The following AUTS2 variants were observed in gnomAD, a reference collection of about 807,000 sequenced individuals.
The protein encoded by AUTS2 is activator of transcription and developmental regulator AUTS2, also known as autism susceptibility gene 2 protein.
A neutral mutation model predicts 112.4 loss-of-function variants in AUTS2; 17 were observed. That is an observed-to-expected ratio of 0.15 (90% confidence interval 0.10 to 0.23). The LOEUF (loss-of-function observed/expected upper bound fraction) is 0.23. Among genes scored for constraint, AUTS2 ranks in the 10% least tolerant of loss-of-function variants. The probability of loss-of-function intolerance (pLI) is 1.00; values close to 1 mark genes in which losing one functional copy is unlikely to be tolerated. For missense variants in AUTS2, 1,510 were observed against 1,701.6 expected (o/e 0.89, Z 1.98); for synonymous variants, 751 against 702.7 (o/e 1.07, Z -1.09).
chr7:70,753,944 C>T (rs1424095901), intron 6 of AUTS2, among the ~76,000 whole-genome samples: 1 of 151,726 alleles, frequency 6.6e-6, no homozygotes, highest in Non-Finnish European at 1.5e-5. Flanking sequence ...ATCACGAGGT[C>T]AGGAGATCGA....
intron 4 of AUTS2, among the ~76,000 whole-genome samples, chr7:70,221,970 C>G (rs1203446126): frequency 6.6e-6 from 1 of 152,096 alleles, no homozygotes; most frequent in Non-Finnish European, 1.5e-5. Flanking sequence ...TGCTTAGTAT[C>G]TAGCAAGAAT....
chr7:70,626,358 T>TAAAA (rs10572995), intron 5 of AUTS2, among the ~76,000 whole-genome samples: 2 of 113,364 alleles, frequency 1.8e-5, no homozygotes, highest in East Asian at 2.9e-4. Flanking sequence ...ACCTTGTTTC[T>TAAAA]AAAAAAAAAA....
At chr7:70,724,740 C>T (rs1020803825) in intron 6 of AUTS2, among the ~76,000 whole-genome samples, 5 of 152,154 alleles carry the variant, frequency 3.3e-5, no homozygotes, top group South Asian at 2.1e-4. Context: ...CCACCGCGCC[C>T]GGCCTCATCC....
At chr7:70,345,597 C>G (rs1020065622) in intron 4 of AUTS2, among the ~76,000 whole-genome samples, 2 of 152,152 alleles carry the variant, frequency 1.3e-5, no homozygotes, top group Admixed American at 1.3e-4. Flanking sequence ...CTTTCCAAAA[C>G]TTGTCACTAT....
At position 70,790,564 on chromosome 7, in the gene AUTS2, C is replaced by G; in HGVS notation, c.3348C>G (p.Phe1116Leu). The change falls in exon 19 of 19, where the codon TTC becomes TTG. Residue 1116 changes from phenylalanine to leucine, a missense_variant. Physicochemically the swap from Phe to Leu is conservative, Grantham distance 22. Transcript: ENST00000342771. This position sits in a 1 kb window ranked among gnomAD's most constrained non-coding sequence, Gnocchi z 7.6. The part of the protein sequence containing the change: ...TPRLYEADRS[F>L]RDREPHDYSH... ...GGCTGTACGAAGCCGACCGCTCCTT[C>G]AGGGACCGGGAGCCTCACGACTACA... is the stretch of plus-strand genomic sequence containing the variant. The G allele has an allele frequency of 6.2e-7, 1 of 1,603,690 alleles. No individual in the cohort carries two copies. The highest frequency in any genetic ancestry group is 8.5e-7 in the Non-Finnish European group (1 of 1,175,792).
rs370074386 is a variant in AUTS2 at position 70,631,593 on chromosome 7, CA to C, written c.691-66975del. ...CAGGTTCTGTCCCAGATGTTCTCAGCACCATTTTAGCGACAAGGGCAGCTAT... is the reference window on the plus strand; with the variant it reads ...CAGGTTCTGTCCCAGATGTTCTCAGCCCATTTTAGCGACAAGGGCAGCTAT... On this transcript the variant is annotated intron_variant, in intron 5 of 18. Transcript: ENST00000342771. This position sits in a 1 kb window ranked among gnomAD's most constrained non-coding sequence, Gnocchi z 4.5. Among the ~76,000 whole-genome samples the C allele has an allele frequency of 4.6e-5, 7 of 152,262 alleles. No individual in the cohort carries two copies. Among genetic ancestry groups the C allele is most frequent in the African/African-American group, 1.7e-4 (7 of 41,554 alleles).
chr7:70,141,267 G>A (rs1052692408), intron 4 of AUTS2, among the ~76,000 whole-genome samples: 21 of 152,176 alleles, frequency 1.4e-4, no homozygotes, highest in African/African-American at 5.1e-4. Flanking sequence ...GGGAATGTGG[G>A]ATAAAGCCAG....
intron 5 of AUTS2, among the ~76,000 whole-genome samples, chr7:70,472,283 A>G (rs1797415929): frequency 6.6e-6 from 1 of 152,074 alleles, no homozygotes; most frequent in Non-Finnish European, 1.5e-5. Flanking sequence ...CCCAAATCAG[A>G]ATTCCTAGCC....
intron 2 of AUTS2, among the ~76,000 whole-genome samples, chr7:70,018,204 G>A (rs1800116398): frequency 6.6e-6 from 1 of 151,704 alleles, no homozygotes; most frequent in Non-Finnish European, 1.5e-5. Flanking sequence ...TATACATGTA[G>A]GACTCTTTTT....
At position 70,356,700 on chromosome 7, in the gene AUTS2, T is replaced by TC. The variant is rs759044049; in HGVS notation, c.661-79046dup. Among the ~76,000 whole-genome samples, 99 of 151,716 alleles carry TC rather than the reference T, an allele frequency of 6.5e-4. 1 individual carries two copies. In the Middle Eastern group the frequency reaches 0.01, roughly 16 times the overall value. ...TGTGTAGGTACTTTTTTTCTTCTCCTCCCCCCACCTCCCCACCCCTGGTTT... is the reference window on the plus strand; with the variant it reads ...TGTGTAGGTACTTTTTTTCTTCTCCTCCCCCCCACCTCCCCACCCCTGGTTT... On this transcript the variant is annotated intron_variant, in intron 4 of 18. Transcript: ENST00000342771.
chr7:69,803,474 G>T (rs920814240), intron 1 of AUTS2, among the ~76,000 whole-genome samples: 5 of 151,262 alleles, frequency 3.3e-5, no homozygotes, highest in African/African-American at 1.2e-4. Context: ...TCTCTCCTCT[G>T]TTTCCTGTAA....
chr7:69,627,834 C>A (rs1019971714), intron 1 of AUTS2, among the ~76,000 whole-genome samples: 1 of 152,264 alleles, frequency 6.6e-6, no homozygotes, highest in Admixed American at 6.5e-5. Context: ...AATAGTAATG[C>A]AACCCTCACA....
chr7:69,789,855 C>T (rs1789539013), intron 1 of AUTS2, among the ~76,000 whole-genome samples: 1 of 152,266 alleles, frequency 6.6e-6, no homozygotes, highest in East Asian at 1.9e-4. Flanking sequence ...AAATACCTGT[C>T]ATTGTTAGAT....
At chr7:69,710,470 CTGG>C (rs2129200613) in intron 1 of AUTS2, among the ~76,000 whole-genome samples, 1 of 152,292 alleles carries the variant, frequency 6.6e-6, no homozygotes, top group East Asian at 1.9e-4. Flanking sequence ...GTTAGGATGA[CTGG>C]TGCGGATGCC....
At chr7:70,455,293 T>C (rs1241878290) in intron 5 of AUTS2, among the ~76,000 whole-genome samples, 1 of 152,176 alleles carries the variant, frequency 6.6e-6, no homozygotes, top group Non-Finnish European at 1.5e-5. Flanking sequence ...TCCACTGTGC[T>C]TGTGGTGGGG....
At chr7:70,450,395 A>G (rs1490884143) in intron 5 of AUTS2, among the ~76,000 whole-genome samples, 1 of 152,350 alleles carries the variant, frequency 6.6e-6, no homozygotes, top group East Asian at 1.9e-4. Context: ...TTGCTGCAGC[A>G]CATGGAATAG....
Position 70,257,958 on chromosome 7 carries a change from C to T in AUTS2, c.660+123387C>T, listed in dbSNP as rs542385678. Among the ~76,000 whole-genome samples, 45 of 152,258 alleles carry T rather than the reference C, an allele frequency of 3.0e-4. No homozygotes were observed. The South Asian group carries it at 8.9e-3, about 30-fold the overall frequency. The stretch of plus-strand genomic sequence containing the variant: ...GGTGGGCTCTGGTCCAACTCCTGGC[C>T]GACATGAGCATGGACAATGTGGCAC... On this transcript the variant is annotated intron_variant, in intron 4 of 18. Coordinates refer to ENST00000342771, the MANE Select transcript of AUTS2 (RefSeq NM_015570.4).
intron 4 of AUTS2, among the ~76,000 whole-genome samples, chr7:70,251,087 C>T (rs192845127): frequency 8.5e-4 from 129 of 151,176 alleles, no homozygotes; most frequent in Middle Eastern, 3.4e-3. Context: ...TTTGTTGAGA[C>T]GGAGTCTCAC....
At chr7:70,149,180 T>A (rs1343466794) in intron 4 of AUTS2, among the ~76,000 whole-genome samples, 1 of 152,118 alleles carries the variant, frequency 6.6e-6, no homozygotes, top group African/African-American at 2.4e-5. Context: ...GTCAGCATTT[T>A]AAATTTTTTT....
Sources: gnomAD v4.1 joint callset for allele counts (sites outside exome capture counted in the v4.1 genomes callset) on GRCh38, gnomAD v4.1.1 for gene constraint, Gnocchi (gnomAD v3.1) non-coding constraint, MANE v1.5 for transcripts, NCBI Gene and HGNC (gene_info 2026-07-23, HGNC 2026-07-21) for gene names.